Variants in CCDC91 observed in about 807,000 individuals in gnomAD.
CCDC91 encodes coiled-coil domain-containing protein 91.
In CCDC91, 48 loss-of-function variants were observed where a neutral mutation model predicts 63.2. The observed-to-expected ratio is 0.76, with a 90% confidence interval of 0.60 to 0.97. CCDC91 has a LOEUF of 0.97. Among genes scored for constraint, CCDC91 ranks in the 50% least tolerant of loss-of-function variants. The probability of loss-of-function intolerance (pLI) is 0.00; values close to 1 mark genes in which losing one functional copy is unlikely to be tolerated. For missense variants in CCDC91, 500 were observed against 494.6 expected, an observed-to-expected ratio of 1.01 and a Z score of -0.10; for synonymous variants, 167 against 165.8, an observed-to-expected ratio of 1.01 and a Z score of -0.06.
chr12:28,294,647 C>T (rs1250383454), intron 3 of CCDC91, among the ~76,000 whole-genome samples: 3 of 151,904 alleles, frequency 2.0e-5, no homozygotes, highest in Non-Finnish European at 2.9e-5. Context: ...TGCAGTGGCA[C>T]GATTTCGGCT....
In CCDC91 at chr12:28,484,066, A is replaced by T; in HGVS notation, c.1116A>T (p.Ala372=). ...CCCACAAACAGGAAACTGTTAAGGC[A>T]GCAATAATAGAAGAGCAGAAACGAA... ...QRKISQETVK[A]AIIEEQKRSE... The change falls in exon 12 of 13, where the codon GCA becomes GCT. Residue 372 remains alanine (A), a synonymous_variant. Transcript: ENST00000536442. 6.2e-7 allele frequency: 1 copy of T among 1,610,396 alleles called. No homozygotes were observed. The highest frequency in any genetic ancestry group is 8.5e-7 in the Non-Finnish European group (1 of 1,178,050).
chr12:28,210,562 G>T (rs1420557742), intron 1 of CCDC91, among the ~76,000 whole-genome samples: 1 of 152,118 alleles, frequency 6.6e-6, no homozygotes, highest in Non-Finnish European at 1.5e-5. Context: ...AGGGTCTCTG[G>T]TGCCTCCTGT....
rs531132407 is a variant in CCDC91 at position 28,523,121 on chromosome 12, G to A, written c.1216-25942G>A. On this transcript the variant is annotated intron_variant, in intron 12 of 12. Transcript: ENST00000536442. ...GGTGCAGAGCTGAATTCAATTCCTG[G>A]ATATCCTTGTTAACTTTCTATCTCC... Among the ~76,000 whole-genome samples the A allele has an allele frequency of 2.5e-3, 374 of 152,188 alleles. 7 individuals are homozygous for A. Among genetic ancestry groups the A allele is most frequent in the African/African-American group, 8.4e-3 (351 of 41,550 alleles).
At chr12:28,203,912 A>C (rs574547483) in intron 1 of CCDC91, among the ~76,000 whole-genome samples, 3 of 152,306 alleles carry the variant, frequency 2.0e-5, no homozygotes, top group African/African-American at 7.2e-5. Flanking sequence ...ACTGTGTGCT[A>C]TGCCTGAACA....
chr12:28,450,327 C>A, intron 9 of CCDC91, 23 bp from the exon 10 acceptor site: 1 of 1,604,472 alleles, frequency 6.2e-7, no homozygotes, highest in Non-Finnish European at 8.5e-7. Context: ...TAATGTCTTT[C>A]CAACTGTTTT....
intron 11 of CCDC91, among the ~76,000 whole-genome samples, chr12:28,474,773 GAAAA>G (rs146240784): frequency 2.1e-5 from 3 of 146,108 alleles, no homozygotes; most frequent in Admixed American, 6.8e-5. Flanking sequence ...ACATGAAAAA[GAAAA>G]AAAAAAGAGC....
At chr12:28,411,953 AC>A (rs1184608623) in intron 8 of CCDC91, among the ~76,000 whole-genome samples, 2 of 152,104 alleles carry the variant, frequency 1.3e-5, no homozygotes, top group East Asian at 1.9e-4. Flanking sequence ...ACTAGGCCCT[AC>A]CCCCCAACAC....
At chr12:28,409,057 T>C (rs767037308) in intron 8 of CCDC91, among the ~76,000 whole-genome samples, 2 of 152,238 alleles carry the variant, frequency 1.3e-5, no homozygotes, top group African/African-American at 2.4e-5. Flanking sequence ...TGTTGTTGCA[T>C]CTTCCTTTTT....
At chr12:28,350,859 A>G (rs755884287) in intron 6 of CCDC91, among the ~76,000 whole-genome samples, 2 of 152,020 alleles carry the variant, frequency 1.3e-5, no homozygotes, top group South Asian at 2.1e-4. Context: ...TTTCTCTTAT[A>G]AGGGAATCAG....
intron 11 of CCDC91, among the ~76,000 whole-genome samples, chr12:28,474,731 A>C (rs527546915): frequency 3.7e-4 from 57 of 152,168 alleles, no homozygotes; most frequent in African/African-American, 1.4e-3. Context: ...AAATTGTAAA[A>C]TTGCAATAAG....
chr12:28,380,425 T>C (rs1945228525), intron 7 of CCDC91, among the ~76,000 whole-genome samples: 1 of 152,110 alleles, frequency 6.6e-6, no homozygotes, highest in Non-Finnish European at 1.5e-5. Flanking sequence ...ACTTTTCTGT[T>C]TTATACTACA....
chr12:28,254,098 A>G (rs750274395), intron 1 of CCDC91, among the ~76,000 whole-genome samples: 6 of 152,200 alleles, frequency 3.9e-5, no homozygotes, highest in Non-Finnish European at 7.3e-5. Context: ...CTTATAAAAC[A>G]TTTTTAGAAT....
At chr12:28,315,549 G>A (rs997986118) in intron 6 of CCDC91, among the ~76,000 whole-genome samples, 22 of 152,026 alleles carry the variant, frequency 1.4e-4, no homozygotes, top group Non-Finnish European at 2.9e-4. Flanking sequence ...ATGAATTTCT[G>A]CATTTCATCT....
At chr12:28,405,038 A>T (rs147939752) in intron 8 of CCDC91, among the ~76,000 whole-genome samples, 1 of 151,842 alleles carries the variant, frequency 6.6e-6, no homozygotes, top group Non-Finnish European at 1.5e-5. Flanking sequence ...CATTTCCACC[A>T]TATTTGTTAT....
chr12:28,268,914 G>A (rs1223348794), intron 3 of CCDC91, among the ~76,000 whole-genome samples: 1 of 152,120 alleles, frequency 6.6e-6, no homozygotes, highest in Non-Finnish European at 1.5e-5. Flanking sequence ...TTACCCCTGA[G>A]ATTCTTGTAT....
chr12:28,427,503 C>T (rs1948389048), intron 8 of CCDC91, among the ~76,000 whole-genome samples: 1 of 152,012 alleles, frequency 6.6e-6, no homozygotes, highest in East Asian at 1.9e-4. Flanking sequence ...CCCCTCACCA[C>T]CATCGCAAAG....
intron 7 of CCDC91, among the ~76,000 whole-genome samples, chr12:28,379,617 C>G (rs1359952673): frequency 3.3e-5 from 5 of 152,160 alleles, no homozygotes; most frequent in South Asian, 2.1e-4. Flanking sequence ...GATACCATCT[C>G]ACACCAGTTA....
chr12:28,382,696 C>T (rs1945367647), intron 7 of CCDC91, among the ~76,000 whole-genome samples: 1 of 152,098 alleles, frequency 6.6e-6, no homozygotes, highest in Non-Finnish European at 1.5e-5. Context: ...AAAGTTAATT[C>T]ATATGTATTT....
Position 28,391,359 on chromosome 12 carries a change from T to C in CCDC91, c.710T>C (p.Ile237Thr). Residue 237 changes from isoleucine (I) to threonine (T), a missense_variant, in exon 8 of 13, where the codon ATT becomes ACT. Coordinates refer to ENST00000536442, the MANE Select transcript of CCDC91 (RefSeq NM_018318.5). The part of the protein sequence containing the change: ...QQVEAIEKQY[I>T]SAIEKQAHKC... ...GTAGAAGCTATTGAAAAACAGTACA[T>C]TTCTGCAATTGAGAAACAGGCACAC... 1.9e-6 allele frequency: 3 copies of C among 1,613,178 alleles called. No homozygotes were observed. The highest frequency in any genetic ancestry group is 2.5e-6 in the Non-Finnish European group (3 of 1,179,306).
Sources: allele counts gnomAD v4.1 joint callset (sites outside exome capture counted in the v4.1 genomes callset), GRCh38; gene constraint gnomAD v4.1.1; transcripts MANE v1.5; gene names NCBI Gene and HGNC (gene_info 2026-07-23, HGNC 2026-07-21).